MSR1: variants seen among roughly 807,000 people sequenced by gnomAD.
MSR1 encodes the protein macrophage scavenger receptor types I and II.
In MSR1, 53 loss-of-function variants were observed where a neutral mutation model predicts 47.2. That is an observed-to-expected ratio of 1.12 (90% CI 0.90 to 1.41). The LOEUF (loss-of-function observed/expected upper bound fraction) is 1.41, where lower values mean the gene tolerates loss of function less well. Ranked by LOEUF, MSR1 falls within the 40% of genes most tolerant of loss-of-function variation. The pLI is 0.00. For synonymous variants in MSR1, 239 were observed against 185.6 expected, an observed-to-expected ratio of 1.29 and a Z score of -2.34; for missense variants, 786 against 546.9, an observed-to-expected ratio of 1.44 and a Z score of -4.36.
At chr8:16,177,181 A>T (rs35460443) in intron 2 of MSR1, among the ~76,000 whole-genome samples, 71 of 152,320 alleles carry the variant, frequency 4.7e-4, no homozygotes, top group African/African-American at 1.6e-3. Context: ...GATATGTTAA[A>T]GTTTTAACCA....
chr8:16,166,615 C>T (rs1801318797), intron 4 of MSR1, among the ~76,000 whole-genome samples: 1 of 151,848 alleles, frequency 6.6e-6, no homozygotes, highest in South Asian at 2.1e-4. Flanking sequence ...CACATGCTAC[C>T]ACCAGTGACC....
chr8:16,178,086 G>T, intron 1 of MSR1, 94 bp from the exon 2 acceptor site: 1 of 956,530 alleles, frequency 1.0e-6, no homozygotes, highest in Non-Finnish European at 1.6e-6. Context: ...GTTTGAAATG[G>T]AATCTATTCA....
chr8:16,133,003 C>T (rs351552), intron 8 of MSR1, among the ~76,000 whole-genome samples: 9,290 of 152,062 alleles, frequency 0.061, 591 homozygotes, highest in African/African-American at 0.16. Context: ...TTATCAGAAG[C>T]GTTTGCTGTA....
intron 8 of MSR1, among the ~76,000 whole-genome samples, chr8:16,122,378 T>C (rs1025563037): frequency 6.6e-6 from 1 of 152,148 alleles, no homozygotes; most frequent in Non-Finnish European, 1.5e-5. Context: ...AAATGTTTAT[T>C]TTTATACAAG....
At chr8:16,154,939 C>A in intron 6 of MSR1, 125 bp downstream of exon 6, 2 of 772,028 alleles carry the variant, frequency 2.6e-6, no homozygotes, top group East Asian at 2.7e-5. Context: ...CGTGCATACA[C>A]ACACACACAC....
intron 5 of MSR1, among the ~76,000 whole-genome samples, chr8:16,158,914 T>G (rs932600639): frequency 1.3e-5 from 2 of 150,068 alleles, no homozygotes; most frequent in Non-Finnish European, 3.0e-5. Context: ...ACAATTCAGT[T>G]TTTTTCCTTT....
At chr8:16,183,305 T>A (rs1015659229) in intron 1 of MSR1, among the ~76,000 whole-genome samples, 2 of 151,990 alleles carry the variant, frequency 1.3e-5, no homozygotes, top group Non-Finnish European at 2.9e-5. Flanking sequence ...AGCTGAAGAC[T>A]TTTGAATCTG....
At chr8:16,149,320 T>G (rs12544550) in intron 7 of MSR1, among the ~76,000 whole-genome samples, 243 of 152,204 alleles carry the variant, frequency 1.6e-3, no homozygotes, top group Middle Eastern at 6.8e-3. Flanking sequence ...AGTTTTTCTA[T>G]AAATGTAAAA....
intron 9 of MSR1, among the ~76,000 whole-genome samples, chr8:16,117,873 T>C (rs779818972): frequency 5.9e-5 from 9 of 152,144 alleles, no homozygotes; most frequent in Admixed American, 2.0e-4. Context: ...AATCATTTCA[T>C]TATATATTAC....
intron 8 of MSR1, among the ~76,000 whole-genome samples, chr8:16,136,057 G>T (rs1407942079): frequency 6.6e-6 from 1 of 152,100 alleles, no homozygotes; most frequent in Non-Finnish European, 1.5e-5. Flanking sequence ...TTGTTGAGAC[G>T]ACAACAAAGG....
At chr8:16,133,107 G>T (rs190112425) in intron 8 of MSR1, among the ~76,000 whole-genome samples, 51 of 152,020 alleles carry the variant, frequency 3.4e-4, no homozygotes, top group African/African-American at 1.2e-3. Flanking sequence ...GTAAAATATG[G>T]GGAGATTAAA....
intron 3 of MSR1, among the ~76,000 whole-genome samples, chr8:16,173,245 G>C (rs1801540227): frequency 6.6e-6 from 1 of 152,144 alleles, no homozygotes; most frequent in African/African-American, 2.4e-5. Context: ...CGGGGACTTT[G>C]AACTTGGTTA....
At chr8:16,112,932 AT>A (rs922804275) in intron 9 of MSR1, among the ~76,000 whole-genome samples, 78 of 124,408 alleles carry the variant, frequency 6.3e-4, no homozygotes, top group Admixed American at 1.5e-3. Context: ...TTGATTATAT[AT>A]TTTTTTTAAG....
intron 4 of MSR1, among the ~76,000 whole-genome samples, chr8:16,166,066 A>G (rs146713064): frequency 3.7e-4 from 57 of 152,186 alleles, no homozygotes; most frequent in African/African-American, 1.3e-3. Context: ...GACATTCAGC[A>G]TAAAGTGTTA....
At chr8:16,145,641 T>A (rs1800676010) in intron 7 of MSR1, among the ~76,000 whole-genome samples, 1 of 152,146 alleles carries the variant, frequency 6.6e-6, no homozygotes, top group African/African-American at 2.4e-5. Flanking sequence ...ATGTTTTTAT[T>A]TTGCCTTTGT....
At chr8:16,127,478 G>T (rs1800155556) in intron 8 of MSR1, among the ~76,000 whole-genome samples, 1 of 152,122 alleles carries the variant, frequency 6.6e-6, no homozygotes, top group Non-Finnish European at 1.5e-5. Flanking sequence ...AGCAAATCTT[G>T]TCTTATCCAC....
At chr8:16,136,866 G>A (rs190049980) in intron 8 of MSR1, among the ~76,000 whole-genome samples, 70 of 152,132 alleles carry the variant, frequency 4.6e-4, no homozygotes, top group African/African-American at 1.2e-3. Context: ...CTCCCAAAGC[G>A]CTGGGATTAC....
rs913274095 is a variant in MSR1 at position 16,150,388 on chromosome 8, G to C, written c.899-77C>G. On this transcript the variant is annotated intron_variant, in intron 6 of 9. Transcript: ENST00000262101. The stretch of plus-strand genomic sequence containing the variant: ...CTTGAGAGTATAATGAAAACATCTA[G>C]TTTTATAAGTGAATATGAAATTAGA... 1.6e-5 allele frequency: 11 copies of C among 671,006 alleles called. No individual in the cohort carries two copies. In the African/African-American group the frequency reaches 2.1e-4, roughly 13 times the overall value. The allele number at this position is 671,006 out of a possible 1,614,324, so 41.6% of individuals were successfully genotyped here.
rs182736616 is a variant in MSR1 at position 16,191,801 on chromosome 8, G to A, written c.-5+797C>T. Among the ~76,000 whole-genome samples, 49 of 152,260 alleles carry A rather than the reference G, an allele frequency of 3.2e-4. No individual in the cohort carries two copies. The East Asian group carries it at 8.5e-3, about 26-fold the overall frequency. On this transcript the variant is annotated intron_variant, in intron 1 of 9. Coordinates refer to ENST00000262101, the MANE Select transcript of MSR1 (RefSeq NM_138715.3). Reference sequence around the variant, plus strand: ...GTATTTTTACCTGGTCAGTGCAAATGCCAACCTCCCATTATATGCTGTGTG... The same window carrying A: ...GTATTTTTACCTGGTCAGTGCAAATACCAACCTCCCATTATATGCTGTGTG...
Sources: gnomAD v4.1 joint callset for allele counts (sites outside exome capture counted in the v4.1 genomes callset) on GRCh38, gnomAD v4.1.1 for gene constraint, MANE v1.5 for transcripts, NCBI Gene and HGNC (gene_info 2026-07-23, HGNC 2026-07-21) for gene names.